The following SHCBP1L variants were observed in gnomAD, a reference collection of about 807,000 sequenced individuals.
SHCBP1L encodes testicular spindle-associated protein SHCBP1L.
A neutral mutation model predicts 62.5 loss-of-function variants in SHCBP1L; 67 were observed. That is an observed-to-expected ratio of 1.07 (90% confidence interval 0.88 to 1.31). The LOEUF is 1.31. Among genes scored for constraint, SHCBP1L ranks in the 40% most tolerant of loss-of-function variants. The pLI is 0.00. For missense variants in SHCBP1L, 823 were observed against 809.8 expected (o/e 1.02, Z -0.20); for synonymous variants, 284 against 289.4 (o/e 0.98, Z 0.19).
At position 182,939,183 on chromosome 1, in the gene SHCBP1L, G is replaced by A. The variant is rs12568867; in HGVS notation, c.1069C>T (p.Arg357Cys). Residue 357 changes from arginine to cysteine, a missense_variant, in exon 5 of 10, where the codon CGC becomes TGC. Physicochemically the swap from Arg to Cys is radical, Grantham distance 180 (BLOSUM62 -3). Coordinates refer to ENST00000367547, the MANE Select transcript of SHCBP1L (RefSeq NM_030933.4). ...AATAGAGCAAATTATTACCGGAGGC[G>A]TAAATCTTCCCACATTTTCAGTAAT... ...CGLLKMWEDL[R>C]LRVHGPFFPR... is the part of the protein sequence containing the mutation. 101 of 1,607,954 alleles carry A rather than the reference G, an allele frequency of 6.3e-5. 1 individual carries two copies. Among genetic ancestry groups the A allele is most frequent in the East Asian group, 4.0e-4 (18 of 44,788 alleles).
At chr1:182,919,420 A>G (rs1371796214) in intron 6 of SHCBP1L, among the ~76,000 whole-genome samples, 1 of 152,190 alleles carries the variant, frequency 6.6e-6, no homozygotes, top group Non-Finnish European at 1.5e-5. Flanking sequence ...TCCTTTTTAT[A>G]GGGGCATTGA....
In SHCBP1L at chr1:182,953,011, C is replaced by T. The variant is rs1488677902; in HGVS notation, c.123G>A (p.Lys41=). 4.5e-6 allele frequency: 7 copies of T among 1,543,350 alleles called. 1 individual carries two copies. The highest frequency in any genetic ancestry group is 1.2e-5 in the South Asian group (1 of 84,342). Residue 41 remains lysine (K), a synonymous_variant, in exon 1 of 10, where the codon AAG becomes AAA. Transcript: ENST00000367547. ...SGDTAAATTL[K]GTAIPVRSVV... is the part of the protein sequence containing the mutation. ...CCGACCGCACTGGGATCGCGGTGCCCTTCAGGGTGGTCGCGGCCGCCGTGT... is the reference window on the plus strand; with the variant it reads ...CCGACCGCACTGGGATCGCGGTGCCTTTCAGGGTGGTCGCGGCCGCCGTGT...
Position 182,911,971 on chromosome 1 carries a change from A to T in SHCBP1L, c.1183-6322T>A, listed in dbSNP as rs1229347839. On this transcript the variant is annotated intron_variant, in intron 6 of 9. Transcript: ENST00000367547. ...TATGTATATATGGGTTTTCATTCACACCTCCTGACTCATAACTTCCACAGT... is the reference window on the plus strand; with the variant it reads ...TATGTATATATGGGTTTTCATTCACTCCTCCTGACTCATAACTTCCACAGT... 2.0e-5 allele frequency among the ~76,000 whole-genome samples: 3 copies of T among 152,170 alleles called. No homozygotes were observed. The East Asian group carries it at 5.8e-4, about 29-fold the overall frequency.
chr1:182,911,192 G>A (rs1008524776), intron 6 of SHCBP1L, among the ~76,000 whole-genome samples: 1 of 151,980 alleles, frequency 6.6e-6, no homozygotes, highest in Non-Finnish European at 1.5e-5. Flanking sequence ...ACCTGGCCTT[G>A]TTTTTTCTTT....
intron 2 of SHCBP1L, chr1:182,942,470 T>C (rs922504750): frequency 1.8e-5 from 12 of 660,028 alleles, no homozygotes; most frequent in Non-Finnish European, 2.8e-5. Context: ...TCCGCGAAAC[T>C]GGGCTGCCTG....
Position 182,952,712 on chromosome 1 carries a change from G to A in SHCBP1L, c.405+17C>T. 1 of 1,589,128 alleles carries A rather than the reference G, an allele frequency of 6.3e-7. No homozygotes were observed. The highest frequency in any genetic ancestry group is 8.6e-7 in the Non-Finnish European group (1 of 1,167,220). On this transcript the variant is annotated intron_variant, in intron 1 of 9. Coordinates refer to ENST00000367547, the MANE Select transcript of SHCBP1L (RefSeq NM_030933.4). ...ACGAGCTTCCGACCGTAGTCTTCCT[G>A]TCCCGGATCCGCTCACCTTACAGTC...
At chr1:182,944,957 C>CTTTTTTTTT (rs11309339) in intron 2 of SHCBP1L, among the ~76,000 whole-genome samples, 60 of 109,036 alleles carry the variant, frequency 5.5e-4, no homozygotes, top group South Asian at 1.2e-3. Flanking sequence ...TTCTTTCTTT[C>CTTTTTTTTT]TTTTTTTTTT....
chr1:182,930,751 T>A (rs1201506734), intron 5 of SHCBP1L, among the ~76,000 whole-genome samples: 4 of 127,032 alleles, frequency 3.1e-5, no homozygotes, highest in African/African-American at 6.0e-5. Context: ...TTTTTTTTTT[T>A]ATTAAAGACA....
At chr1:182,951,195 A>C in intron 2 of SHCBP1L, 123 bp downstream of exon 2, 1 of 735,756 alleles carries the variant, frequency 1.4e-6, no homozygotes. Flanking sequence ...ATTTTCTCGG[A>C]AACTTAAAAC....
chr1:182,931,943 A>ATTTTTTTT lies in SHCBP1L; in HGVS notation c.1077-2199_1077-2192dup, dbSNP rs1164377476. ...CTCCCTTAATACTTGGGAACCACTGATTTTTTTTTTTTTTTTTTTTTTTTT... is the reference window on the plus strand; with the variant it reads ...CTCCCTTAATACTTGGGAACCACTGATTTTTTTTTTTTTTTTTTTTTTTTTTTTTTTTT... On this transcript the variant is annotated intron_variant, in intron 5 of 9. Coordinates refer to ENST00000367547, the MANE Select transcript of SHCBP1L (RefSeq NM_030933.4). Among the ~76,000 whole-genome samples, 278 of 69,674 alleles carry ATTTTTTTT rather than the reference A, an allele frequency of 4.0e-3. 30 individuals are homozygous for ATTTTTTTT. The highest frequency in any genetic ancestry group is 0.016 in the African/African-American group (256 of 16,084). 45.7% of individuals were successfully genotyped at this position (69,674 alleles called of 152,430 possible). A position where few individuals can be genotyped will look rare whatever the true frequency, so the allele number is the denominator to read the frequency against.
At position 182,953,094 on chromosome 1, in the gene SHCBP1L, AT is replaced by A. The variant is rs1558008216; in HGVS notation, c.39del (p.Phe14SerfsTer27). ...CGCCTGTCCGGGCTGATGGTGCGGA[AT>A]GAGTCCGCGGGCACCGAGGCCTTGG... is the stretch of plus-strand genomic sequence containing the variant. Reference protein sequence around the residue: ...SGSKASVPADSFRTISPDRRG... With the variant: ...SGSKASVPADXFRTISPDRRG... On this transcript the variant is annotated frameshift_variant, in exon 1 of 10. Transcript: ENST00000367547. LOFTEE classifies it high-confidence loss of function. 1 of 1,570,220 alleles carries A rather than the reference AT, an allele frequency of 6.4e-7. No homozygotes were observed. Among genetic ancestry groups the A allele is most frequent in the South Asian group, 1.2e-5 (1 of 86,916 alleles).
rs559898312 is a variant in SHCBP1L, at chr1:182,937,047, C to A, written c.1076+2129G>T. ...CCAGCCTGGGTGACAGGGCAAGACCCTGTCTCAGAAAAATAAATAAATAAA... is the reference window on the plus strand; with the variant it reads ...CCAGCCTGGGTGACAGGGCAAGACCATGTCTCAGAAAAATAAATAAATAAA... On this transcript the variant is annotated intron_variant, in intron 5 of 9. Coordinates refer to ENST00000367547, the MANE Select transcript of SHCBP1L (RefSeq NM_030933.4). 6.6e-5 allele frequency among the ~76,000 whole-genome samples: 10 copies of A among 151,940 alleles called. No homozygotes were observed. In the South Asian group the frequency reaches 2.1e-3, roughly 32 times the overall value.
chr1:182,912,085 G>A (rs539878093), intron 6 of SHCBP1L, among the ~76,000 whole-genome samples: 135 of 152,232 alleles, frequency 8.9e-4, no homozygotes, highest in African/African-American at 3.1e-3. Flanking sequence ...CCTTTCACCT[G>A]CCCCAGGGCA....
At chr1:182,917,622 C>T (rs1309918184) in intron 6 of SHCBP1L, among the ~76,000 whole-genome samples, 2 of 152,180 alleles carry the variant, frequency 1.3e-5, no homozygotes, top group Non-Finnish European at 2.9e-5. Flanking sequence ...TTCTGAGCCT[C>T]TCTCAGCTTG....
Position 182,951,393 on chromosome 1 carries a change from G to C in SHCBP1L, c.480C>G (p.Val160=). 1 of 1,609,866 alleles carries C rather than the reference G, an allele frequency of 6.2e-7. No individual in the cohort carries two copies. Among genetic ancestry groups the C allele is most frequent in the Non-Finnish European group, 8.5e-7 (1 of 1,177,632 alleles). The change falls in exon 2 of 10, where the codon GTC becomes GTG. Residue 160 remains valine, a synonymous_variant. Coordinates refer to ENST00000367547, the MANE Select transcript of SHCBP1L (RefSeq NM_030933.4). ...KLKLKDKWLG[V]WKTNPSVFFV... is the part of the protein sequence containing the mutation. ...AGAATACACTGGGATTAGTCTTCCA[G>C]ACTCCAAGCCATTTGTCTTTCAACT...
intron 2 of SHCBP1L, among the ~76,000 whole-genome samples, chr1:182,949,595 G>T (rs1022655998): frequency 2.6e-5 from 4 of 151,840 alleles, no homozygotes; most frequent in African/African-American, 9.7e-5. Flanking sequence ...TACTCAGGAG[G>T]CTGAGGTGGG....
At chr1:182,951,544 T>C in intron 1 of SHCBP1L, 77 bp from the exon 2 acceptor site, 3 of 940,334 alleles carry the variant, frequency 3.2e-6, no homozygotes, top group Non-Finnish European at 4.4e-6. Flanking sequence ...TTTTTTTTTT[T>C]ACTGATTTCT....
At chr1:182,946,081 A>C (rs1220683840) in intron 2 of SHCBP1L, among the ~76,000 whole-genome samples, 1 of 151,478 alleles carries the variant, frequency 6.6e-6, no homozygotes, top group Non-Finnish European at 1.5e-5. Flanking sequence ...AAAAAAAGGA[A>C]AGGTCTGATG....
rs113410294 is a variant in SHCBP1L, at chr1:182,940,310, A to C, written c.770+19T>G. The C allele has an allele frequency of 4.4e-5, 70 of 1,584,614 alleles. No homozygotes were observed. The highest frequency in any genetic ancestry group is 5.7e-5 in the Non-Finnish European group (67 of 1,165,768). On this transcript the variant is annotated intron_variant, in intron 3 of 9. Coordinates refer to ENST00000367547, the MANE Select transcript of SHCBP1L (RefSeq NM_030933.4). ...TTGGATATAATAAATTTAATTTTCA[A>C]AAGTAAAGGCCCTAATACCTGACAA...
Sources: allele counts gnomAD v4.1 joint callset (sites outside exome capture counted in the v4.1 genomes callset), GRCh38; gene constraint gnomAD v4.1.1; transcripts MANE v1.5; gene names NCBI Gene and HGNC (gene_info 2026-07-23, HGNC 2026-07-21).